The following LDLRAD4 variants were observed in gnomAD, a reference collection of about 807,000 sequenced individuals.
LDLRAD4 encodes the protein low density lipoprotein receptor class A domain containing 4.
Under a neutral mutation model 17.0 loss-of-function variants are expected in LDLRAD4, and 5 were observed. The observed-to-expected ratio is 0.29, with a 90% confidence interval of 0.15 to 0.62. The LOEUF (loss-of-function observed/expected upper bound fraction) is 0.62. Ranked by LOEUF, LDLRAD4 falls within the 20% of genes least tolerant of loss-of-function variation. LDLRAD4 has a pLI of 0.84. For missense variants in LDLRAD4, 340 were observed against 424.7 expected, an observed-to-expected ratio of 0.80 and a Z score of 1.75; for synonymous variants, 168 against 171.8, an observed-to-expected ratio of 0.98 and a Z score of 0.17.
chr18:13,486,917 C>T (rs767326996), intron 3 of LDLRAD4: 27 of 152,188 alleles, frequency 1.8e-4, no homozygotes, highest in Non-Finnish European at 3.8e-4. Flanking sequence ...TCCACTCCCG[C>T]TGGCACGTCC....
chr18:13,576,895 C>T (rs1033647813), intron 3 of LDLRAD4, among the ~76,000 whole-genome samples: 7 of 152,176 alleles, frequency 4.6e-5, no homozygotes, highest in East Asian at 1.9e-4. Flanking sequence ...GCTGAGCAGA[C>T]GGGAGGACCT....
intron 1 of LDLRAD4, among the ~76,000 whole-genome samples, chr18:13,287,448 T>G (rs1347382579): frequency 3.3e-5 from 5 of 152,136 alleles, no homozygotes; most frequent in Admixed American, 3.3e-4. Flanking sequence ...TTGAAATGAG[T>G]TTGCCTTCTG....
Position 13,647,416 on chromosome 18 carries a change from T to TAAC in LDLRAD4, c.*1762_*1764dup, listed in dbSNP as rs2043055369. On this transcript the variant is annotated 3_prime_UTR_variant, in exon 6 of 6. Transcript: ENST00000359446. ...GGTGGGCCTCTGTGGCCTCTTCACATAACAAGATGAGCTGGAATGATGATT... is the reference window on the plus strand; with the variant it reads ...GGTGGGCCTCTGTGGCCTCTTCACATAACAACAAGATGAGCTGGAATGATGATT... The TAAC allele has an allele frequency of 2.6e-5, 4 of 152,186 alleles. No homozygotes were observed. In the South Asian group the frequency reaches 8.3e-4, roughly 32 times the overall value. 9.4% of individuals were successfully genotyped at this position (152,186 alleles called of 1,614,324 possible).
At chr18:13,462,369 G>C (rs907385165) in intron 3 of LDLRAD4, 1 of 152,686 alleles carries the variant, frequency 6.5e-6, no homozygotes, top group Non-Finnish European at 1.5e-5. Context: ...TAGACTGGGG[G>C]CCACAGGGGG....
In LDLRAD4 at chr18:13,356,936, C is replaced by A. The variant is rs534362964; in HGVS notation, c.-382-30405C>A. Among the ~76,000 whole-genome samples, 11 of 152,268 alleles carry A rather than the reference C, an allele frequency of 7.2e-5. No homozygotes were observed. In the East Asian group the frequency reaches 1.9e-3, roughly 27 times the overall value. On this transcript the variant is annotated intron_variant, in intron 1 of 5. Coordinates refer to ENST00000359446, the Ensembl canonical transcript of LDLRAD4. Reference sequence around the variant, plus strand: ...ATCACGTGAGGTCAGGAGGTCAAGACCAGCCTGGCCAACATCGTGAAATCT... The same window carrying A: ...ATCACGTGAGGTCAGGAGGTCAAGAACAGCCTGGCCAACATCGTGAAATCT...
intron 1 of LDLRAD4, among the ~76,000 whole-genome samples, chr18:13,255,704 T>C (rs952706722): frequency 2.6e-5 from 4 of 152,008 alleles, no homozygotes; most frequent in African/African-American, 9.7e-5. Flanking sequence ...CCATAGGGGC[T>C]GTTGCAGCGT....
intron 3 of LDLRAD4, among the ~76,000 whole-genome samples, chr18:13,620,506 C>T (rs923805075): frequency 1.3e-5 from 2 of 152,236 alleles, no homozygotes; most frequent in African/African-American, 4.8e-5. Context: ...GGGGGTCTGG[C>T]TCACCTGCTT....
chr18:13,530,175 G>T (rs1323632587), intron 3 of LDLRAD4, among the ~76,000 whole-genome samples: 4 of 152,174 alleles, frequency 2.6e-5, no homozygotes, highest in Non-Finnish European at 5.9e-5. Flanking sequence ...ATGATTTGTG[G>T]AGTCACCGAC....
intron 3 of LDLRAD4, among the ~76,000 whole-genome samples, chr18:13,450,577 G>C (rs2091769685): frequency 6.6e-6 from 1 of 152,186 alleles, no homozygotes; most frequent in Non-Finnish European, 1.5e-5. Flanking sequence ...GGGCTCTATG[G>C]GCAGGTGCAG....
intron 2 of LDLRAD4, among the ~76,000 whole-genome samples, chr18:13,428,107 G>A: frequency 6.6e-6 from 1 of 152,204 alleles, no homozygotes; most frequent in Non-Finnish European, 1.5e-5. Context: ...TGTAGTTTAT[G>A]CTCTAATGGA....
chr18:13,492,443 C>G (rs9966571), intron 3 of LDLRAD4, among the ~76,000 whole-genome samples: 13,185 of 152,262 alleles, frequency 0.087, 1,894 homozygotes, highest in African/African-American at 0.3. Flanking sequence ...TCCCTTCCCC[C>G]CCGGGTCTGA....
At chr18:13,283,922 G>A (rs1007381983) in intron 1 of LDLRAD4, among the ~76,000 whole-genome samples, 2 of 152,282 alleles carry the variant, frequency 1.3e-5, no homozygotes, top group East Asian at 1.9e-4. Flanking sequence ...CGGCAGCAAG[G>A]GAGAATGAGG....
rs2042689865 is a variant in LDLRAD4, at chr18:13,642,737, G to T, written c.337-622G>T. 3 of 1,231,452 alleles carry T rather than the reference G, an allele frequency of 2.4e-6. No homozygotes were observed. In the Admixed American group the frequency reaches 1.3e-4, roughly 52 times the overall value. The allele number at this position is 1,231,452 out of a possible 1,614,324, so 76.3% of individuals were successfully genotyped here. A position where few individuals can be genotyped will look rare whatever the true frequency, so the allele number is the denominator to read the frequency against. On this transcript the variant is annotated intron_variant, in intron 4 of 5. Coordinates refer to ENST00000359446, the Ensembl canonical transcript of LDLRAD4. ...CTGAATGCGGTTGGACAGTCATCTT[G>T]AATGTATTTCAAGCACACAGGTGTA...
intron 1 of LDLRAD4, among the ~76,000 whole-genome samples, chr18:13,382,917 G>GCT (rs1319183038): frequency 6.6e-6 from 1 of 152,238 alleles, no homozygotes; most frequent in East Asian, 1.9e-4. Context: ...GGCAGCGCTT[G>GCT]CTCTCTCTCT....
chr18:13,409,830 G>A (rs2088155425), intron 2 of LDLRAD4, among the ~76,000 whole-genome samples: 2 of 152,160 alleles, frequency 1.3e-5, no homozygotes, highest in South Asian at 4.1e-4. Flanking sequence ...CAATGAGAAA[G>A]GAGAAACAAG....
intron 1 of LDLRAD4, among the ~76,000 whole-genome samples, chr18:13,305,021 A>C (rs559922929): frequency 6.6e-6 from 1 of 152,314 alleles, no homozygotes; most frequent in African/African-American, 2.4e-5. Flanking sequence ...GATTTTTTTC[A>C]ATAAATATAT....
intron 2 of LDLRAD4, among the ~76,000 whole-genome samples, chr18:13,403,646 T>A (rs2087433871): frequency 6.6e-6 from 1 of 152,236 alleles, no homozygotes; most frequent in Non-Finnish European, 1.5e-5. Flanking sequence ...TGTGGTTTGG[T>A]GATTTTGTGG....
intron 3 of LDLRAD4, among the ~76,000 whole-genome samples, chr18:13,450,335 C>CT (rs796931027): frequency 4.0e-5 from 5 of 125,756 alleles, no homozygotes; most frequent in African/African-American, 1.5e-4. Context: ...CACCCCCCCC[C>CT]CCAAAAAAAC....
intron 1 of LDLRAD4, among the ~76,000 whole-genome samples, chr18:13,225,334 G>A (rs998355994): frequency 6.6e-6 from 1 of 152,202 alleles, no homozygotes; most frequent in African/African-American, 2.4e-5. Flanking sequence ...GTATCAGGCA[G>A]GAAAGGGTGT....
Sources: gnomAD v4.1 joint callset for allele counts (sites outside exome capture counted in the v4.1 genomes callset) on GRCh38, gnomAD v4.1.1 for gene constraint, MANE v1.5 for transcripts, NCBI Gene and HGNC (gene_info 2026-07-23, HGNC 2026-07-21) for gene names.